FANCC: variants seen among roughly 807,000 people sequenced by gnomAD.
The protein encoded by FANCC is FA complementation group C.
In FANCC, 55 loss-of-function variants were observed where a neutral mutation model predicts 71.3. That is an observed-to-expected ratio of 0.77 (90% CI 0.62 to 0.97). FANCC has a LOEUF of 0.97. Among genes scored for constraint, FANCC ranks in the 50% least tolerant of loss-of-function variants. FANCC has a pLI of 0.00. For synonymous variants in FANCC, 275 were observed against 244.9 expected, an observed-to-expected ratio of 1.12 and a Z score of -1.15; for missense variants, 678 against 670.9, an observed-to-expected ratio of 1.01 and a Z score of -0.12.
At chr9:95,300,888 G>A (rs778238620) in intron 1 of FANCC, among the ~76,000 whole-genome samples, 3 of 152,144 alleles carry the variant, frequency 2.0e-5, no homozygotes, top group Non-Finnish European at 2.9e-5. Context: ...CTCCGCAGCA[G>A]GCCAAGGGCT....
chr9:95,213,791 G>GA (rs1828666133), intron 4 of FANCC, among the ~76,000 whole-genome samples: 1 of 151,868 alleles, frequency 6.6e-6, no homozygotes, highest in Non-Finnish European at 1.5e-5. Context: ...GACAACAAAA[G>GA]AAAAAAACAG....
chr9:95,129,779 T>TC (rs1248948029), intron 8 of FANCC, among the ~76,000 whole-genome samples: 4 of 151,872 alleles, frequency 2.6e-5, no homozygotes, highest in Admixed American at 2.6e-4. Context: ...CCTCCTTATC[T>TC]CCCCCCTCAG....
chr9:95,118,716 A>G (rs2072629891), intron 10 of FANCC, among the ~76,000 whole-genome samples: 2 of 152,230 alleles, frequency 1.3e-5, no homozygotes, highest in African/African-American at 4.8e-5. Context: ...TTTCTTAAAG[A>G]TTAAGCCACG....
intron 1 of FANCC, among the ~76,000 whole-genome samples, chr9:95,275,126 A>G (rs910678546): frequency 1.3e-5 from 2 of 150,746 alleles, no homozygotes; most frequent in Non-Finnish European, 3.0e-5. Flanking sequence ...AAAAAAAAAG[A>G]AAAATAAATT....
intron 1 of FANCC, among the ~76,000 whole-genome samples, chr9:95,281,817 G>A (rs991910128): frequency 2.0e-5 from 3 of 151,802 alleles, no homozygotes; most frequent in Admixed American, 6.6e-5. Flanking sequence ...TTTTCTTTTC[G>A]ATCAAAGTTG....
chr9:95,235,108 C>T (rs1033078672), intron 4 of FANCC, among the ~76,000 whole-genome samples: 2 of 152,170 alleles, frequency 1.3e-5, no homozygotes, highest in Admixed American at 6.5e-5. Flanking sequence ...AAGATTAATA[C>T]CATAAATAAA....
chr9:95,177,528 T>C (rs1826088579), intron 4 of FANCC, among the ~76,000 whole-genome samples: 1 of 152,222 alleles, frequency 6.6e-6, no homozygotes, highest in Non-Finnish European at 1.5e-5. Context: ...AACTTTCAAA[T>C]TTGATAAACC....
At chr9:95,180,478 T>G (rs1376278783) in intron 4 of FANCC, among the ~76,000 whole-genome samples, 1 of 151,636 alleles carries the variant, frequency 6.6e-6, no homozygotes, top group African/African-American at 2.4e-5. Flanking sequence ...TAGCTGAGAC[T>G]GAATAAGCTG....
intron 8 of FANCC, among the ~76,000 whole-genome samples, chr9:95,132,856 T>A (rs7859625): frequency 0.023 from 3,449 of 152,290 alleles, 141 homozygotes; most frequent in African/African-American, 0.079. Flanking sequence ...TTTGTTTTTG[T>A]TACATTTTGG....
At chr9:95,187,387 T>C (rs1341107191) in intron 4 of FANCC, among the ~76,000 whole-genome samples, 2 of 152,218 alleles carry the variant, frequency 1.3e-5, no homozygotes, top group Admixed American at 6.5e-5. Context: ...TCATCTCCAA[T>C]GCCTGTCCTG....
Position 95,100,094 on chromosome 9 carries a change from GGA to G in FANCC, c.*1611_*1612del, listed in dbSNP as rs1400894132. The G allele has an allele frequency of 8.6e-6, 2 of 232,490 alleles. No homozygotes were observed. Among genetic ancestry groups the G allele is most frequent in the Admixed American group, 5.6e-5 (1 of 17,756 alleles). The allele number at this position is 232,490 out of a possible 1,614,324, so 14.4% of individuals were successfully genotyped here. A position where few individuals can be genotyped will look rare whatever the true frequency, so the allele number is the denominator to read the frequency against. ...CAAGTTCTGGCTTAAAGTCAGAACA[GGA>G]GAGAGGCCCTCAACTCCAGTGAAGC... On this transcript the variant is annotated 3_prime_UTR_variant, in exon 15 of 15. Transcript: ENST00000289081.
chr9:95,099,253 T>TATC lies in FANCC; in HGVS notation c.*2451_*2453dup, dbSNP rs1416546134. The TATC allele has an allele frequency of 9.1e-6, 2 of 219,060 alleles. No individual in the cohort carries two copies. Among genetic ancestry groups the TATC allele is most frequent in the Non-Finnish European group, 1.8e-5 (2 of 109,398 alleles). 13.6% of individuals were successfully genotyped at this position (219,060 alleles called of 1,614,324 possible). A position where few individuals can be genotyped will look rare whatever the true frequency, so the allele number is the denominator to read the frequency against. ...CAGCATGCTTTATCAAAAACTAAACTATCAGGGAGAGTCTACAAAAACTCC... is the reference window on the plus strand; with the variant it reads ...CAGCATGCTTTATCAAAAACTAAACTATCATCAGGGAGAGTCTACAAAAACTCC... On this transcript the variant is annotated 3_prime_UTR_variant, in exon 15 of 15. Coordinates refer to ENST00000289081, the MANE Select transcript of FANCC (RefSeq NM_000136.3).
intron 1 of FANCC, among the ~76,000 whole-genome samples, chr9:95,287,181 C>T (rs1222435570): frequency 6.6e-6 from 1 of 152,094 alleles, no homozygotes; most frequent in Non-Finnish European, 1.5e-5. Flanking sequence ...GGTTACATAT[C>T]ATGTACGAGA....
At chr9:95,105,674 T>C (rs1238163245) in intron 14 of FANCC, among the ~76,000 whole-genome samples, 1 of 152,192 alleles carries the variant, frequency 6.6e-6, no homozygotes, top group Non-Finnish European at 1.5e-5. Flanking sequence ...TGGGAAACTC[T>C]AGCACTTCCT....
At chr9:95,276,524 C>A (rs1178451861) in intron 1 of FANCC, among the ~76,000 whole-genome samples, 2 of 152,154 alleles carry the variant, frequency 1.3e-5, no homozygotes, top group Non-Finnish European at 2.9e-5. Flanking sequence ...GTATACCTAA[C>A]CTAAGGCTTC....
Position 95,208,340 on chromosome 9 carries a change from G to A in FANCC, c.345+32309C>T, listed in dbSNP as rs576609791. Among the ~76,000 whole-genome samples, 13 of 151,778 alleles carry A rather than the reference G, an allele frequency of 8.6e-5. No individual in the cohort carries two copies. The South Asian group carries it at 2.3e-3, about 27-fold the overall frequency. On this transcript the variant is annotated intron_variant, in intron 4 of 14. Transcript: ENST00000289081. ...TTGAACTCCTGACCTCAGGTGATCC[G>A]CCTACCTCGGTCTCCCAAAGTGCTG...
intron 6 of FANCC, among the ~76,000 whole-genome samples, chr9:95,160,676 C>T (rs890889358): frequency 5.3e-5 from 8 of 152,070 alleles, no homozygotes; most frequent in South Asian, 2.1e-4. Context: ...AATGTTCTTC[C>T]GTTTGTTTGT....
At chr9:95,102,103 G>A (rs181051295) in intron 14 of FANCC, among the ~76,000 whole-genome samples, 4 of 152,340 alleles carry the variant, frequency 2.6e-5, no homozygotes, top group African/African-American at 9.6e-5. Context: ...GCTGCCAACA[G>A]CCTTAGACTC....
chr9:95,178,509 C>T (rs937007809), intron 4 of FANCC, among the ~76,000 whole-genome samples: 2 of 152,246 alleles, frequency 1.3e-5, no homozygotes, highest in African/African-American at 4.8e-5. Context: ...CCGGTCTCTT[C>T]CTCCTCTGAG....
Sources: allele counts gnomAD v4.1 joint callset (sites outside exome capture counted in the v4.1 genomes callset), GRCh38; gene constraint gnomAD v4.1.1; transcripts MANE v1.5; gene names NCBI Gene and HGNC (gene_info 2026-07-23, HGNC 2026-07-21).